Variants in GLRX2 observed in about 807,000 individuals in gnomAD.
GLRX2 encodes bA101E13.1 (GRX2 glutaredoxin (thioltransferase) 2).
A neutral mutation model predicts 16.4 loss-of-function variants in GLRX2; 12 were observed. The ratio of observed to expected loss-of-function variants is 0.73; its 90% CI spans 0.47 to 1.19. The LOEUF (loss-of-function observed/expected upper bound fraction) is 1.19, where lower values mean the gene tolerates loss of function less well. Ranked by LOEUF, GLRX2 falls within the 50% of genes most tolerant of loss-of-function variation. The pLI is 0.00. For missense variants in GLRX2, 201 were observed against 201.8 expected (o/e 1.00, Z 0.02); for synonymous variants, 95 against 76.2 (o/e 1.25, Z -1.28).
At position 193,097,567 on chromosome 1, in the gene GLRX2, AC is replaced by A. The variant is rs1222266093; in HGVS notation, c.360+16del. 1 of 1,584,512 alleles carries A rather than the reference AC, an allele frequency of 6.3e-7. No homozygotes were observed. The highest frequency in any genetic ancestry group is 8.6e-7 in the Non-Finnish European group (1 of 1,166,326). ...CAACCTATTAAAGAGGAACAGCACC[AC>A]AGAGGATATACTCACAGTTCTTTCA... On this transcript the variant is annotated intron_variant, in intron 3 of 3. Coordinates refer to ENST00000367439, the MANE Select transcript of GLRX2 (RefSeq NM_197962.3).
intron 1 of GLRX2, 162 bp downstream of exon 1, chr1:193,105,102 C>T: frequency 1.3e-6 from 1 of 754,242 alleles, no homozygotes; most frequent in Non-Finnish European, 1.6e-6. Flanking sequence ...CTTCCCTGCC[C>T]ATCCCTCGAG....
chr1:193,100,598 C>G (rs1368012780), intron 2 of GLRX2, among the ~76,000 whole-genome samples: 1 of 151,848 alleles, frequency 6.6e-6, no homozygotes. Context: ...GAGTGGTAAG[C>G]AAGAGAGAAA....
rs1558265693 is a variant in GLRX2, at chr1:193,096,761, T to C, written c.361-2A>G. 5 of 1,600,278 alleles carry C rather than the reference T, an allele frequency of 3.1e-6. No individual in the cohort carries two copies. The highest frequency in any genetic ancestry group is 2.2e-5 in the East Asian group (1 of 44,670). ...ACCATTGACAAATATTCTTGGAACC[T>C]GTTGGACAAACAAAAGAAGAATTAG... On this transcript the variant is annotated splice_acceptor_variant, in intron 3 of 3. Transcript: ENST00000367439. LOFTEE classifies it high-confidence loss of function.
intron 2 of GLRX2, among the ~76,000 whole-genome samples, chr1:193,100,792 G>A (rs564995741): frequency 2.0e-5 from 3 of 152,344 alleles, no homozygotes; most frequent in Admixed American, 2.0e-4. Context: ...CTGTTAAACT[G>A]CTTCCCAGGC....
chr1:193,098,643 C>T (rs893965646), intron 2 of GLRX2, among the ~76,000 whole-genome samples: 4 of 152,104 alleles, frequency 2.6e-5, no homozygotes, highest in Non-Finnish European at 5.9e-5. Context: ...CCTGCGCCTC[C>T]CAGGTTCAAG....
chr1:193,105,610 C>T, upstream of GLRX2: 1 of 1,604,938 alleles, frequency 6.2e-7, no homozygotes, highest in Non-Finnish European at 8.5e-7. Context: ...AGGGGAGAAG[C>T]GGCTCACTTG....
At chr1:193,105,679 C>T, upstream of GLRX2, 5 of 1,566,230 alleles carry the variant, frequency 3.2e-6, no homozygotes, top group Non-Finnish European at 4.3e-6. Context: ...TAGGGACGCT[C>T]ATAAAGGCTC....
intron 2 of GLRX2, among the ~76,000 whole-genome samples, chr1:193,099,410 A>T (rs1675028764): frequency 6.6e-6 from 1 of 152,038 alleles, no homozygotes; most frequent in African/African-American, 2.4e-5. Flanking sequence ...GTGCGATCTC[A>T]GCTCACTGCA....
At chr1:193,099,251 T>A (rs1360715735) in intron 2 of GLRX2, among the ~76,000 whole-genome samples, 2 of 152,228 alleles carry the variant, frequency 1.3e-5, no homozygotes, top group Non-Finnish European at 2.9e-5. Context: ...TCTTTTTGTT[T>A]TTTGTTTCTA....
At chr1:193,101,227 A>T (rs755184994) in intron 1 of GLRX2, 23 bp from the exon 2 acceptor site, 2 of 1,435,282 alleles carry the variant, frequency 1.4e-6, no homozygotes, top group Non-Finnish European at 2.0e-6. Context: ...TAAGAGAACA[A>T]TGTAGTTTAT....
At chr1:193,105,706 A>T, upstream of GLRX2, 1 of 1,513,948 alleles carries the variant, frequency 6.6e-7, no homozygotes, top group Admixed American at 2.1e-5. Flanking sequence ...ACTTGGAAGC[A>T]GTGCATGAGG....
At chr1:193,105,120 G>C (rs981065706) in intron 1 of GLRX2, 144 bp downstream of exon 1, 27 of 1,276,868 alleles carry the variant, frequency 2.1e-5, no homozygotes, top group Non-Finnish European at 2.7e-5. Context: ...GAGCGCCTCT[G>C]CGTGTTATGA....
At position 193,103,090 on chromosome 1, in the gene GLRX2, T is replaced by C. The variant is rs144995484; in HGVS notation, c.120-1886A>G. Among the ~76,000 whole-genome samples the C allele has an allele frequency of 2.4e-3, 365 of 151,672 alleles. 1 individual carries two copies. The highest frequency in any genetic ancestry group is 8.0e-3 in the African/African-American group (330 of 41,292). Reference sequence around the variant, plus strand: ...TAATAATGGCTCCAAACCACTAGAGTAGTGATGCTGGCAATTCAGGTACGT... The same window carrying C: ...TAATAATGGCTCCAAACCACTAGAGCAGTGATGCTGGCAATTCAGGTACGT... On this transcript the variant is annotated intron_variant, in intron 1 of 3. Transcript: ENST00000367439.
chr1:193,104,695 A>C (rs1675149302), intron 1 of GLRX2, among the ~76,000 whole-genome samples: 1 of 152,220 alleles, frequency 6.6e-6, no homozygotes, highest in Non-Finnish European at 1.5e-5. Context: ...ATTCCAAACG[A>C]GGAAGTGTAA....
In GLRX2 at chr1:193,097,658, C is replaced by G; in HGVS notation, c.286G>C (p.Val96Leu). Residue 96 changes from valine to leucine, a missense_variant, in exon 3 of 4, where the codon GTG (valine) becomes CTG (leucine). By Grantham distance (32) the Val-to-Leu change is conservative. Transcript: ENST00000367439. ...LFHDMNVNYK[V>L]VELDLLEYGN... ...TATTCAAGCAGGTCCAGTTCCACCACTTTATAGTTAACATTCATGTCATGG... is the reference window on the plus strand; with the variant it reads ...TATTCAAGCAGGTCCAGTTCCACCAGTTTATAGTTAACATTCATGTCATGG... 6.2e-7 allele frequency: 1 copy of G among 1,613,644 alleles called. No homozygotes were observed. The highest frequency in any genetic ancestry group is 2.2e-5 in the East Asian group (1 of 44,844).
In GLRX2 at chr1:193,096,649, T is replaced by G; in HGVS notation, c.471A>C (p.Lys157Asn). 6.3e-7 allele frequency: 1 copy of G among 1,593,334 alleles called. No individual in the cohort carries two copies. Among genetic ancestry groups the G allele is most frequent in the Non-Finnish European group, 8.6e-7 (1 of 1,162,780 alleles). The change falls in exon 4 of 4, where the codon AAA becomes AAC. Residue 157 changes from lysine (K) to asparagine (N), a missense_variant. Physicochemically the swap from Lys to Asn is moderately conservative, Grantham distance 94. Transcript: ENST00000367439. ...LPLVHQCYLK[K>N]SKRKEFQ ...ATCACTGAAATTCTTTCCTCTTACT[T>G]TTTTTTAAATAACACTGATGAACTA...
At chr1:193,105,585 G>A (rs1358596948), upstream of GLRX2, 3 of 1,607,632 alleles carry the variant, frequency 1.9e-6, no homozygotes, top group African/African-American at 2.7e-5. Context: ...CCACCCACGT[G>A]TAAACATCCT....
chr1:193,105,500 G>C, upstream of GLRX2: 5 of 1,350,818 alleles, frequency 3.7e-6, no homozygotes, highest in Non-Finnish European at 4.9e-6. Context: ...CGGACTGCCC[G>C]CGCCGCCGCC....
Position 193,105,339 on chromosome 1 carries a change from C to A in GLRX2, c.44G>T (p.Trp15Leu). ...RAALAGTRLV[W>L]SRSGSAGWLD... is the part of the protein sequence containing the mutation. Reference sequence around the variant, plus strand: ...CCAGCCTGCCGAGCCGCTCCTGCTCCAAACCAGCCGCGTCCCCGCCAGCGC... The same window carrying A: ...CCAGCCTGCCGAGCCGCTCCTGCTCAAAACCAGCCGCGTCCCCGCCAGCGC... Residue 15 changes from tryptophan to leucine, a missense_variant, in exon 1 of 4, where the codon TGG (tryptophan) becomes TTG (leucine). Transcript: ENST00000367439. 1 of 1,548,280 alleles carries A rather than the reference C, an allele frequency of 6.5e-7. No homozygotes were observed.
Sources: allele counts gnomAD v4.1 joint callset (sites outside exome capture counted in the v4.1 genomes callset), GRCh38; gene constraint gnomAD v4.1.1; transcripts MANE v1.5; gene names NCBI Gene and HGNC (gene_info 2026-07-23, HGNC 2026-07-21).